The following AGMO variants were observed in gnomAD, a reference collection of about 807,000 sequenced individuals.
The protein encoded by AGMO is glyceryl-ether monooxygenase.
A neutral mutation model predicts 60.2 loss-of-function variants in AGMO; 75 were observed. The ratio of observed to expected loss-of-function variants is 1.25; its 90% CI spans 1.03 to 1.51. The LOEUF is 1.51. Ranked by LOEUF, AGMO falls within the 40% of genes most tolerant of loss-of-function variation. The pLI is 0.00. For missense variants in AGMO, 763 were observed against 525.5 expected (o/e 1.45, Z -4.42); for synonymous variants, 261 against 177.1 (o/e 1.47, Z -3.76).
the AGMO span, among the ~76,000 whole-genome samples, chr7:15,166,997 G>C: frequency 2.0e-5 from 3 of 152,092 alleles, no homozygotes; most frequent in Non-Finnish European, 4.4e-5. Flanking sequence ...AGATAATAGA[G>C]AGTGATTCTA....
chr7:15,469,997 A>G (rs1320470804), intron 3 of AGMO, among the ~76,000 whole-genome samples: 1 of 152,080 alleles, frequency 6.6e-6, no homozygotes. Flanking sequence ...TAAAAGAACC[A>G]AACAGCAAAA....
At chr7:15,168,365 G>T in the AGMO span, among the ~76,000 whole-genome samples, 1 of 152,174 alleles carries the variant, frequency 6.6e-6, no homozygotes, top group Admixed American at 6.5e-5. Context: ...GGGCTTTATA[G>T]CCCTGTAATA....
chr7:15,219,580 T>C (rs1781852722), intron 12 of AGMO, among the ~76,000 whole-genome samples: 1 of 152,050 alleles, frequency 6.6e-6, no homozygotes, highest in Admixed American at 6.6e-5. Flanking sequence ...ATAAGGCTTG[T>C]GTAAGACAAG....
chr7:15,251,436 A>C (rs1782935464), intron 12 of AGMO, among the ~76,000 whole-genome samples: 1 of 152,236 alleles, frequency 6.6e-6, no homozygotes, highest in South Asian at 2.1e-4. Context: ...GGGGAGAGTA[A>C]GTCAATGAAG....
In AGMO at chr7:15,337,949, A is replaced by G. The variant is rs74543622; in HGVS notation, c.1263+27565T>C. ...AGCGATGAAAATCTCCAAGGCAAACATAATAGGTGATCTGGGGTTGTAATT... is the reference window on the plus strand; with the variant it reads ...AGCGATGAAAATCTCCAAGGCAAACGTAATAGGTGATCTGGGGTTGTAATT... On this transcript the variant is annotated intron_variant, in intron 12 of 12. Coordinates refer to ENST00000342526, the MANE Select transcript of AGMO (RefSeq NM_001004320.2). 7.2e-3 allele frequency among the ~76,000 whole-genome samples: 1,094 copies of G among 152,326 alleles called. 6 individuals carry two copies. The highest frequency in any genetic ancestry group is 0.02 in the Middle Eastern group (6 of 294).
At chr7:15,145,654 A>G in the AGMO span, among the ~76,000 whole-genome samples, 1 of 152,270 alleles carries the variant, frequency 6.6e-6, no homozygotes, top group East Asian at 1.9e-4. Context: ...CTTATTTTAA[A>G]TTACTTTTCA....
chr7:15,357,796 T>C (rs944083363), intron 12 of AGMO, among the ~76,000 whole-genome samples: 2 of 152,146 alleles, frequency 1.3e-5, no homozygotes, highest in Non-Finnish European at 2.9e-5. Flanking sequence ...GCTGAATGAG[T>C]AGGCCCAGGT....
intron 12 of AGMO, among the ~76,000 whole-genome samples, chr7:15,220,071 T>C (rs572307870): frequency 6.6e-6 from 1 of 152,294 alleles, no homozygotes; most frequent in Non-Finnish European, 1.5e-5. Flanking sequence ...GAATCTTCTA[T>C]GATGTCCATT....
chr7:15,267,819 C>T (rs1783478939), intron 12 of AGMO, among the ~76,000 whole-genome samples: 1 of 151,872 alleles, frequency 6.6e-6, no homozygotes, highest in Non-Finnish European at 1.5e-5. Context: ...TCCCAAAACG[C>T]TAAAGCAGAG....
chr7:15,521,741 A>G (rs895552457), intron 3 of AGMO, among the ~76,000 whole-genome samples: 2 of 152,198 alleles, frequency 1.3e-5, no homozygotes, highest in African/African-American at 4.8e-5. Flanking sequence ...AGCCAATATC[A>G]TACTGAATGG....
chr7:15,301,044 G>C (rs904631410), intron 12 of AGMO, among the ~76,000 whole-genome samples: 4 of 152,118 alleles, frequency 2.6e-5, no homozygotes, highest in African/African-American at 7.2e-5. Flanking sequence ...TTATGCTCCA[G>C]AAAACAATCA....
intron 3 of AGMO, among the ~76,000 whole-genome samples, chr7:15,515,652 C>T (rs576292813): frequency 1.3e-5 from 2 of 152,268 alleles, no homozygotes; most frequent in East Asian, 3.9e-4. Context: ...GCTCCAATAG[C>T]CTTCTCATGT....
At chr7:15,305,492 T>C (rs4574740) in intron 12 of AGMO, among the ~76,000 whole-genome samples, 8,265 of 151,972 alleles carry the variant, frequency 0.054, 767 homozygotes, top group African/African-American at 0.19. Flanking sequence ...GCAAAATGAG[T>C]TTTTGTGCCA....
chr7:15,407,232 C>CATATATATATAAATATATATAT (rs1784728994), intron 5 of AGMO, among the ~76,000 whole-genome samples: 1 of 132,164 alleles, frequency 7.6e-6, no homozygotes, highest in Non-Finnish European at 1.6e-5. Context: ...CTTTGGAATA[C>CATATATATATAAATATATATAT]ATATATATAT....
rs1554271578 is a variant in AGMO at position 15,432,361 on chromosome 7, T to TACAC, written c.410-1257_410-1254dup. The stretch of plus-strand genomic sequence containing the variant: ...ATATATATATACATACATATATATA[T>TACAC]ACACACACATATATATATACACTAT... On this transcript the variant is annotated intron_variant, in intron 3 of 12. Coordinates refer to ENST00000342526, the MANE Select transcript of AGMO (RefSeq NM_001004320.2). Among the ~76,000 whole-genome samples, 1,187 of 122,704 alleles carry TACAC rather than the reference T, an allele frequency of 9.7e-3. 15 individuals carry two copies. The highest frequency in any genetic ancestry group is 0.035 in the Middle Eastern group (7 of 200). The allele number at this position is 122,704 out of a possible 152,430, so 80.5% of individuals were successfully genotyped here.
intron 8 of AGMO, among the ~76,000 whole-genome samples, chr7:15,388,746 G>A (rs1784023872): frequency 6.6e-6 from 1 of 152,144 alleles, no homozygotes; most frequent in South Asian, 2.1e-4. Context: ...GAATAGGTGA[G>A]AAATTTACCT....
chr7:15,528,491 C>G (rs925552317), intron 3 of AGMO, among the ~76,000 whole-genome samples: 1 of 151,948 alleles, frequency 6.6e-6, no homozygotes, highest in Non-Finnish European at 1.5e-5. Flanking sequence ...TACCTAACAT[C>G]GTTTATGAAC....
chr7:15,283,712 C>A (rs1042896616), intron 12 of AGMO, among the ~76,000 whole-genome samples: 10 of 152,006 alleles, frequency 6.6e-5, no homozygotes, highest in Non-Finnish European at 1.5e-4. Flanking sequence ...ACTTACACTA[C>A]ACTCTAGAAC....
chr7:15,367,001 T>A (rs542132813), intron 10 of AGMO, among the ~76,000 whole-genome samples: 22 of 152,210 alleles, frequency 1.4e-4, no homozygotes, highest in African/African-American at 5.3e-4. Context: ...ACTAGAATTC[T>A]AATTTAAGTA....
Sources: gnomAD v4.1 joint callset for allele counts (sites outside exome capture counted in the v4.1 genomes callset) on GRCh38, gnomAD v4.1.1 for gene constraint, MANE v1.5 for transcripts, NCBI Gene and HGNC (gene_info 2026-07-23, HGNC 2026-07-21) for gene names.